LNX1: variants seen among roughly 807,000 people sequenced by gnomAD.
LNX1 encodes ligand of numb-protein X 1.
LNX1 carries 54 observed loss-of-function variants against 68.4 expected under a neutral mutation model. The ratio of observed to expected loss-of-function variants is 0.79; its 90% CI spans 0.63 to 0.99. LNX1 has a LOEUF of 0.99. Among genes scored for constraint, LNX1 ranks in the 50% least tolerant of loss-of-function variants. The probability of loss-of-function intolerance (pLI) is 0.00; values close to 1 mark genes in which losing one functional copy is unlikely to be tolerated. For synonymous variants in LNX1, 336 were observed against 350.0 expected (o/e 0.96, Z 0.45); for missense variants, 906 against 926.4 (o/e 0.98, Z 0.29).
intron 7 of LNX1, among the ~76,000 whole-genome samples, chr4:53,480,434 G>A (rs905148154): frequency 6.6e-6 from 1 of 152,074 alleles, no homozygotes; most frequent in African/African-American, 2.4e-5. Flanking sequence ...AGAATATGAC[G>A]TATTCTAGTT....
chr4:53,567,988 A>T (rs1389945541), intron 2 of LNX1, among the ~76,000 whole-genome samples: 1 of 152,130 alleles, frequency 6.6e-6, no homozygotes, highest in Non-Finnish European at 1.5e-5. Flanking sequence ...AGGATCTGAA[A>T]TTGTGGCAAT....
intron 2 of LNX1, among the ~76,000 whole-genome samples, chr4:53,567,981 A>C (rs571471472): frequency 0.011 from 1,683 of 152,172 alleles, 27 homozygotes; most frequent in African/African-American, 0.038. Flanking sequence ...CAATAACAGG[A>C]TCTGAAATTG....
At position 53,496,270 on chromosome 4, in the gene LNX1, T is replaced by C. The variant is rs759906143; in HGVS notation, c.1103A>G (p.Gln368Arg). ...EQKFRSRNNG[Q>R]APDAYRPRDD... ...TCGGGGTCTGTAGGCATCCGGGGCC[T>C]GTCCATTGTTCCTGCTGCGGAACTT... The change falls in exon 6 of 11, where the codon CAG becomes CGG. Residue 368 changes from glutamine (Q) to arginine (R), a missense_variant. Transcript: ENST00000263925. 4 of 1,614,164 alleles carry C rather than the reference T, an allele frequency of 2.5e-6. No individual in the cohort carries two copies. The African/African-American group carries it at 4.0e-5, about 16-fold the overall frequency.
In LNX1 at chr4:53,474,566, AG is replaced by A. The variant is rs1723438974; in HGVS notation, c.1892+2186del. On this transcript the variant is annotated intron_variant, in intron 9 of 10. Transcript: ENST00000263925. ...ACCTTTATTGAATGAATCTGAAGGGAGGGAGACTTACTTTTTGTTCTCTTTA... is the reference window on the plus strand; with the variant it reads ...ACCTTTATTGAATGAATCTGAAGGGAGGAGACTTACTTTTTGTTCTCTTTA... Among the ~76,000 whole-genome samples, 6 of 152,154 alleles carry A rather than the reference AG, an allele frequency of 3.9e-5. No homozygotes were observed. The South Asian group carries it at 1.2e-3, about 31-fold the overall frequency.
chr4:53,520,462 T>A (rs932249706), intron 2 of LNX1, among the ~76,000 whole-genome samples: 2 of 152,188 alleles, frequency 1.3e-5, no homozygotes, highest in Non-Finnish European at 2.9e-5. Context: ...CGTTTGTTCA[T>A]TCTGTGAGTC....
At chr4:53,487,879 G>C (rs1724415338) in intron 6 of LNX1, among the ~76,000 whole-genome samples, 1 of 152,136 alleles carries the variant, frequency 6.6e-6, no homozygotes, top group Non-Finnish European at 1.5e-5. Flanking sequence ...GAGACAGTTT[G>C]GCTTTAAATG....
Position 53,522,189 on chromosome 4 carries a change from A to G in LNX1, c.381-13962T>C, listed in dbSNP as rs28452451. 9.5e-3 allele frequency among the ~76,000 whole-genome samples: 1,439 copies of G among 152,094 alleles called. 23 individuals carry two copies. The highest frequency in any genetic ancestry group is 0.033 in the African/African-American group (1,358 of 41,514). ...TGACAAACTGTCCCTCTTCACATCA[A>G]ACCCATCTCTACCACAGGTCTTTGT... On this transcript the variant is annotated intron_variant, in intron 2 of 10. Transcript: ENST00000263925.
At chr4:53,583,791 A>G (rs1450786044) in intron 1 of LNX1, among the ~76,000 whole-genome samples, 1 of 152,108 alleles carries the variant, frequency 6.6e-6, no homozygotes, top group African/African-American at 2.4e-5. Context: ...GTTAGAGAAG[A>G]GTGTTCCTTC....
chr4:53,559,829 A>AAAAT (rs59746479), intron 2 of LNX1, among the ~76,000 whole-genome samples: 36 of 150,852 alleles, frequency 2.4e-4, no homozygotes, highest in African/African-American at 8.8e-4. Flanking sequence ...AAAAAAAAAA[A>AAAAT]TTAAAATCTT....
At chr4:53,497,151 C>T (rs1248986297) in intron 5 of LNX1, among the ~76,000 whole-genome samples, 5 of 152,168 alleles carry the variant, frequency 3.3e-5, no homozygotes, top group Non-Finnish European at 7.4e-5. Context: ...AGCTTAAGCT[C>T]GGCCCTCTCA....
At chr4:53,647,928 G>C (rs1010484298) in intron 1 of LNX1, among the ~76,000 whole-genome samples, 1 of 152,220 alleles carries the variant, frequency 6.6e-6, no homozygotes, top group Non-Finnish European at 1.5e-5. Context: ...CCATGATGTG[G>C]CATGTGCCGG....
chr4:53,586,934 A>G (rs557730673), intron 1 of LNX1, among the ~76,000 whole-genome samples: 1 of 152,238 alleles, frequency 6.6e-6, no homozygotes, highest in Non-Finnish European at 1.5e-5. Context: ...TCATTAAGGT[A>G]ATCTTCACTT....
chr4:53,580,040 T>C (rs758163190), intron 1 of LNX1, among the ~76,000 whole-genome samples: 11 of 152,160 alleles, frequency 7.2e-5, no homozygotes, highest in African/African-American at 2.7e-4. Context: ...ACTTTAACCT[T>C]GTCAAAGATG....
chr4:53,481,083 G>A (rs772460211), intron 7 of LNX1, among the ~76,000 whole-genome samples: 2 of 152,210 alleles, frequency 1.3e-5, no homozygotes, highest in Non-Finnish European at 2.9e-5. Flanking sequence ...GCCACAGAGA[G>A]AAGTACAAAT....
At chr4:53,646,898 A>T (rs1238328672) in intron 1 of LNX1, among the ~76,000 whole-genome samples, 1 of 152,236 alleles carries the variant, frequency 6.6e-6, no homozygotes, top group Non-Finnish European at 1.5e-5. Flanking sequence ...TGAGTAAATA[A>T]ACCACTCCCA....
chr4:53,467,460 C>T (rs1301228359), intron 9 of LNX1, among the ~76,000 whole-genome samples: 3 of 152,172 alleles, frequency 2.0e-5, no homozygotes, highest in Non-Finnish European at 1.5e-5. Context: ...GAATGCAGCT[C>T]CTCACCAGCA....
At chr4:53,561,928 T>TAA (rs33996308) in intron 2 of LNX1, among the ~76,000 whole-genome samples, 7 of 151,564 alleles carry the variant, frequency 4.6e-5, no homozygotes, top group African/African-American at 1.7e-4. Flanking sequence ...ATCCCAGAAT[T>TAA]AAAAAAAAGG....
intron 1 of LNX1, among the ~76,000 whole-genome samples, chr4:53,648,921 T>C (rs1734990064): frequency 6.6e-6 from 1 of 152,150 alleles, no homozygotes; most frequent in African/African-American, 2.4e-5. Context: ...TGAGTGTGTA[T>C]AATGGCCACT....
At chr4:53,509,850 A>T (rs1726197883) in intron 2 of LNX1, among the ~76,000 whole-genome samples, 1 of 152,230 alleles carries the variant, frequency 6.6e-6, no homozygotes, top group Admixed American at 6.5e-5. Flanking sequence ...CCAGCACTGC[A>T]AACCCAGTCG....
Sources: allele counts gnomAD v4.1 joint callset (sites outside exome capture counted in the v4.1 genomes callset), GRCh38; gene constraint gnomAD v4.1.1; transcripts MANE v1.5; gene names NCBI Gene and HGNC (gene_info 2026-07-23, HGNC 2026-07-21).